Variants in CEP350 observed in about 807,000 individuals in gnomAD.
The protein encoded by CEP350 is centrosomal protein 350, also known as centrosome-associated protein 350.
CEP350 carries 126 observed loss-of-function variants against 331.8 expected under a neutral mutation model. The ratio of observed to expected loss-of-function variants is 0.38; its 90% confidence interval spans 0.33 to 0.44. The LOEUF is 0.44. Among genes scored for constraint, CEP350 ranks in the 20% least tolerant of loss-of-function variants. CEP350 has a pLI of 1.00. For missense variants in CEP350, 3,406 were observed against 3,634.6 expected (o/e 0.94, Z 1.62); for synonymous variants, 1,200 against 1,259.5 (o/e 0.95, Z 1.00).
Position 180,038,949 on chromosome 1 carries a change from C to A in CEP350, c.4110+1860C>A, listed in dbSNP as rs897514102. Among the ~76,000 whole-genome samples, 4 of 152,082 alleles carry A rather than the reference C, an allele frequency of 2.6e-5. No homozygotes were observed. In the South Asian group the frequency reaches 8.3e-4, roughly 32 times the overall value. On this transcript the variant is annotated intron_variant, in intron 17 of 37. Transcript: ENST00000367607. Reference sequence around the variant, plus strand: ...AATCTTTGGGCCGACTGTGGTGGCTCACACCTGTTATCCCAGGACTTTCTG... The same window carrying A: ...AATCTTTGGGCCGACTGTGGTGGCTAACACCTGTTATCCCAGGACTTTCTG...
intron 1 of CEP350, among the ~76,000 whole-genome samples, chr1:179,970,607 G>A (rs1259932303): frequency 2.6e-5 from 4 of 151,196 alleles, no homozygotes; most frequent in Non-Finnish European, 5.9e-5. Context: ...CAAAGGTGTG[G>A]AAAATATTCT....
intron 5 of CEP350, among the ~76,000 whole-genome samples, chr1:179,993,833 T>A (rs566415178): frequency 2.2e-4 from 34 of 152,308 alleles, no homozygotes; most frequent in African/African-American, 8.2e-4. Flanking sequence ...CATTCCTCAC[T>A]TAAAACTCTT....
At position 180,053,868 on chromosome 1, in the gene CEP350, G is replaced by A. The variant is rs745480650; in HGVS notation, c.5108G>A (p.Arg1703His). The A allele has an allele frequency of 5.0e-6, 8 of 1,611,424 alleles. No homozygotes were observed. The highest frequency in any genetic ancestry group is 1.7e-4 in the Middle Eastern group (1 of 6,048). The change falls in exon 24 of 38, where the codon CGT becomes CAT. Residue 1703 changes from arginine to histidine, a missense_variant. By Grantham distance (29) the Arg-to-His change is conservative. Coordinates refer to ENST00000367607, the MANE Select transcript of CEP350 (RefSeq NM_014810.5). ...GCAGCTCACCAGTCTTCACTCCTGC[G>A]TCTCCGTGAAAAGGCCTTGAAGGAG... Reference protein sequence around the residue: ...MRAAHQSSLLRLREKALKEKT... With the variant: ...MRAAHQSSLLHLREKALKEKT...
Position 180,080,531 on chromosome 1 carries a change from C to G in CEP350, c.5994C>G (p.Ser1998Arg). The G allele has an allele frequency of 6.2e-7, 1 of 1,613,482 alleles. No homozygotes were observed. The highest frequency in any genetic ancestry group is 8.5e-7 in the Non-Finnish European group (1 of 1,179,628). ...TGTTTGAACAGTCACTTCCCAAAAG[C>G]TGCACATCTGTGTCAAAGCAGGAGT... is the stretch of plus-strand genomic sequence containing the variant. Reference protein sequence around the residue: ...TSPSKHSLPKSCTSVSKQESS... With the variant: ...TSPSKHSLPKRCTSVSKQESS... The change falls in exon 30 of 38, where the codon AGC becomes AGG. Residue 1998 changes from serine to arginine, a missense_variant. Around this residue, in one of 5 missense-constraint regions of CEP350, gnomAD observed 1,415 missense variants for 1,512.3 expected, o/e 0.94. Transcript: ENST00000367607.
At chr1:180,057,245 T>A (rs184844254) in intron 25 of CEP350, among the ~76,000 whole-genome samples, 1,634 of 151,902 alleles carry the variant, frequency 0.011, 21 homozygotes, top group Non-Finnish European at 0.015. Flanking sequence ...ATTACAGGCG[T>A]CTGCCACCAC....
At chr1:179,980,773 A>AT (rs1360135369) in intron 1 of CEP350, among the ~76,000 whole-genome samples, 4 of 151,570 alleles carry the variant, frequency 2.6e-5, no homozygotes, top group African/African-American at 7.3e-5. Context: ...CTTATTTTTA[A>AT]TTTTTTTAAT....
At position 179,997,110 on chromosome 1, in the gene CEP350, T is replaced by C. The variant is rs1653506607; in HGVS notation, c.953T>C (p.Val318Ala). 6.2e-7 allele frequency: 1 copy of C among 1,614,010 alleles called. No homozygotes were observed. Among genetic ancestry groups the C allele is most frequent in the Non-Finnish European group, 8.5e-7 (1 of 1,179,858 alleles). The change falls in exon 6 of 38, where the codon GTT (valine) becomes GCT (alanine). Residue 318 changes from valine (V) to alanine (A), a missense_variant. By Grantham distance (64) the Val-to-Ala change is moderately conservative. This residue lies in a region of CEP350 where 1,857 missense variants were observed against 1,909.2 expected (regional missense o/e 0.97). Transcript: ENST00000367607. Reference protein sequence around the residue: ...HIDHPVMVVNVDNSVTAKVRK... With the variant: ...HIDHPVMVVNADNSVTAKVRK... ...GACCATCCAGTAATGGTTGTTAATG[T>C]TGATAACTCAGTAACAGCAAAAGTC...
At chr1:180,070,115 T>C (rs369343546) in intron 27 of CEP350, among the ~76,000 whole-genome samples, 20 of 152,336 alleles carry the variant, frequency 1.3e-4, no homozygotes, top group African/African-American at 4.8e-4. Flanking sequence ...TATACAACTT[T>C]ACATGCAATT....
chr1:180,114,633 G>T lies in CEP350; in HGVS notation c.*3472G>T, dbSNP rs996678580. 6.6e-6 allele frequency: 1 copy of T among 152,546 alleles called. No homozygotes were observed. The highest frequency in any genetic ancestry group is 2.1e-4 in the South Asian group (1 of 4,824). The allele number at this position is 152,546 out of a possible 1,614,324, so 9.4% of individuals were successfully genotyped here. A position where few individuals can be genotyped will look rare whatever the true frequency, so the allele number is the denominator to read the frequency against. On this transcript the variant is annotated 3_prime_UTR_variant, in exon 38 of 38. Transcript: ENST00000367607. ...TCAGCCTCCTTGTGTGTACTGTACT[G>T]TGCAGACATGAAAAAATAAACCCGT...
In CEP350 at chr1:180,016,022, G is replaced by A. The variant is rs879179672; in HGVS notation, c.2174+52G>A. 10 of 1,601,510 alleles carry A rather than the reference G, an allele frequency of 6.2e-6. No homozygotes were observed. In the East Asian group the frequency reaches 8.9e-5, roughly 14 times the overall value. ...TAAGATTCTTTTCATGAAATTTAGCGGAGTGGTCTATGTTCAGAGAATTTT... is the reference window on the plus strand; with the variant it reads ...TAAGATTCTTTTCATGAAATTTAGCAGAGTGGTCTATGTTCAGAGAATTTT... On this transcript the variant is annotated intron_variant, in intron 11 of 37. Coordinates refer to ENST00000367607, the MANE Select transcript of CEP350 (RefSeq NM_014810.5).
At chr1:179,973,758 A>G (rs1253644820) in intron 1 of CEP350, among the ~76,000 whole-genome samples, 1 of 152,202 alleles carries the variant, frequency 6.6e-6, no homozygotes, top group Admixed American at 6.5e-5. Context: ...GTATTCTTAC[A>G]GGCTACTTGC....
chr1:180,038,947 C>T (rs1314737535), intron 17 of CEP350, among the ~76,000 whole-genome samples: 2 of 152,110 alleles, frequency 1.3e-5, no homozygotes, highest in African/African-American at 4.8e-5. Context: ...ACTGTGGTGG[C>T]TCACACCTGT....
At chr1:180,005,814 G>A (rs1229703889) in intron 7 of CEP350, among the ~76,000 whole-genome samples, 1 of 152,040 alleles carries the variant, frequency 6.6e-6, no homozygotes, top group Non-Finnish European at 1.5e-5. Context: ...ACTAGGTATG[G>A]TCCTGCTTTA....
chr1:180,096,909 T>C (rs1660509998), intron 36 of CEP350, among the ~76,000 whole-genome samples: 1 of 152,254 alleles, frequency 6.6e-6, no homozygotes, highest in Non-Finnish European at 1.5e-5. Flanking sequence ...ATGGAGATTC[T>C]GATTTAGTAG....
chr1:180,074,981 A>G, intron 27 of CEP350, 41 bp from the exon 28 acceptor site: 1 of 1,538,978 alleles, frequency 6.5e-7, no homozygotes, highest in South Asian at 1.2e-5. Context: ...CTCTGCATAT[A>G]GGTTTTTTCT....
intron 11 of CEP350, among the ~76,000 whole-genome samples, chr1:180,019,704 G>A (rs879629585): frequency 6.6e-6 from 1 of 151,936 alleles, no homozygotes; most frequent in African/African-American, 2.4e-5. Context: ...TCCCATTTTT[G>A]TACAAACAAT....
intron 3 of CEP350, among the ~76,000 whole-genome samples, chr1:179,988,683 T>TA (rs1438783219): frequency 6.6e-6 from 1 of 151,974 alleles, no homozygotes; most frequent in Non-Finnish European, 1.5e-5. Flanking sequence ...TTTTTTTTTT[T>TA]AATTTGCTCT....
At chr1:180,061,922 C>T (rs574711636) in intron 25 of CEP350, among the ~76,000 whole-genome samples, 34 of 151,834 alleles carry the variant, frequency 2.2e-4, no homozygotes, top group African/African-American at 8.0e-4. Flanking sequence ...TAAGTGTAAA[C>T]GTTGAGTAGC....
At chr1:180,041,590 A>G (rs1656760328) in intron 18 of CEP350, 72 bp from the exon 19 acceptor site, 1 of 1,367,126 alleles carries the variant, frequency 7.3e-7, no homozygotes, top group Admixed American at 2.7e-5. Flanking sequence ...AAATAAATTT[A>G]TAAATTAAAA....
Sources: gnomAD v4.1 joint callset for allele counts (sites outside exome capture counted in the v4.1 genomes callset) on GRCh38, gnomAD v4.1.1 for gene constraint, gnomAD v4.1.1 regional missense constraint, MANE v1.5 for transcripts, NCBI Gene and HGNC (gene_info 2026-07-23, HGNC 2026-07-21) for gene names.